FGGY: variants seen among roughly 807,000 people sequenced by gnomAD.
The protein encoded by FGGY is FGGY carbohydrate kinase domain containing.
In FGGY, 72 loss-of-function variants were observed where a neutral mutation model predicts 71.3. The ratio of observed to expected loss-of-function variants is 1.01; its 90% confidence interval spans 0.84 to 1.23. FGGY has a LOEUF of 1.23. Among genes scored for constraint, FGGY ranks in the 50% most tolerant of loss-of-function variants. FGGY has a pLI of 0.00. For synonymous variants in FGGY, 251 were observed against 250.3 expected, an observed-to-expected ratio of 1.00 and a Z score of -0.02; for missense variants, 668 against 682.3, an observed-to-expected ratio of 0.98 and a Z score of 0.23.
intron 7 of FGGY, among the ~76,000 whole-genome samples, chr1:59,553,439 C>T (rs1021790277): frequency 3.7e-4 from 56 of 152,308 alleles, no homozygotes; most frequent in African/African-American, 1.1e-3. Flanking sequence ...TCAAGGAATA[C>T]GAGCTCTATG....
At chr1:59,465,463 C>G (rs529968351) in intron 6 of FGGY, among the ~76,000 whole-genome samples, 1 of 152,326 alleles carries the variant, frequency 6.6e-6, no homozygotes, top group Admixed American at 6.5e-5. Context: ...GGGATGCCCT[C>G]TCTCACCACT....
In FGGY at chr1:59,554,148, G is replaced by A. The variant is rs1310972388; in HGVS notation, c.824G>A (p.Gly275Glu). Residue 275 changes from glycine to glutamate, a missense_variant, in exon 8 of 16, where the codon GGG becomes GAG. Transcript: ENST00000303721. ...GLGVIGADVR[G>E]HGLICEGQPV... ...GGAGTGATTGGGGCAGATGTGAGAG[G>A]GCACGGCCTCATCTGTGAGGGGCAG... is the stretch of plus-strand genomic sequence containing the variant. 1 of 1,612,752 alleles carries A rather than the reference G, an allele frequency of 6.2e-7. No individual in the cohort carries two copies. The highest frequency in any genetic ancestry group is 8.5e-7 in the Non-Finnish European group (1 of 1,178,996).
intron 14 of FGGY, among the ~76,000 whole-genome samples, chr1:59,686,280 G>C (rs2097543490): frequency 6.6e-6 from 1 of 152,166 alleles, no homozygotes; most frequent in South Asian, 2.1e-4. Flanking sequence ...TGACCTAGGA[G>C]TGTCTCATAG....
At chr1:59,604,280 C>A (rs1198682090) in intron 8 of FGGY, among the ~76,000 whole-genome samples, 2 of 152,208 alleles carry the variant, frequency 1.3e-5, no homozygotes, top group Admixed American at 1.3e-4. Flanking sequence ...AAAGATTAAA[C>A]AACACATAAG....
intron 9 of FGGY, among the ~76,000 whole-genome samples, chr1:59,609,137 G>GA (rs1247309981): frequency 2.0e-5 from 3 of 152,272 alleles, no homozygotes; most frequent in Non-Finnish European, 1.5e-5. Flanking sequence ...ACTTGTATGG[G>GA]AAAAAAGACA....
chr1:59,737,456 G>A (rs539306924), intron 14 of FGGY, among the ~76,000 whole-genome samples: 7 of 152,354 alleles, frequency 4.6e-5, no homozygotes, highest in South Asian at 4.1e-4. Flanking sequence ...GATCCAAAGC[G>A]GCAGAGCTGC....
At chr1:59,383,113 A>G (rs2059672801) in intron 5 of FGGY, among the ~76,000 whole-genome samples, 2 of 152,102 alleles carry the variant, frequency 1.3e-5, no homozygotes, top group African/African-American at 4.8e-5. Context: ...TGTTATACCT[A>G]TTTTGCAAAG....
intron 15 of FGGY, among the ~76,000 whole-genome samples, chr1:59,759,013 C>CT (rs748135318): frequency 8.5e-5 from 13 of 152,092 alleles, no homozygotes; most frequent in Non-Finnish European, 1.5e-5. Flanking sequence ...AGATAAAAGG[C>CT]TTTTTCAAGA....
chr1:59,596,398 G>A (rs1227766074), intron 8 of FGGY, among the ~76,000 whole-genome samples: 1 of 150,906 alleles, frequency 6.6e-6, no homozygotes, highest in Non-Finnish European at 1.5e-5. Flanking sequence ...ACCTAATGTG[G>A]AAGAAGGTGC....
chr1:59,362,909 C>T (rs573810415), intron 4 of FGGY, among the ~76,000 whole-genome samples: 1 of 152,256 alleles, frequency 6.6e-6, no homozygotes, highest in South Asian at 2.1e-4. Flanking sequence ...TAGTTGGCCA[C>T]AAACCAGGAC....
intron 8 of FGGY, among the ~76,000 whole-genome samples, chr1:59,568,454 G>T (rs1398623646): frequency 7.0e-6 from 1 of 142,284 alleles, no homozygotes; most frequent in Non-Finnish European, 1.5e-5. Context: ...AAATTCTATG[G>T]TCGGGGGGGC....
chr1:59,546,521 A>G (rs1476755437), intron 7 of FGGY, among the ~76,000 whole-genome samples: 1 of 84,210 alleles, frequency 1.2e-5, no homozygotes. Context: ...GATGATGATG[A>G]TGATGATGAT....
intron 1 of FGGY, among the ~76,000 whole-genome samples, chr1:59,310,437 G>A (rs563989230): frequency 8.6e-4 from 131 of 152,176 alleles, no homozygotes; most frequent in Non-Finnish European, 1.2e-3. Flanking sequence ...GTCTATGTAA[G>A]AACAAATCAT....
chr1:59,570,354 G>A (rs759655377), intron 8 of FGGY, among the ~76,000 whole-genome samples: 6 of 152,170 alleles, frequency 3.9e-5, no homozygotes, highest in Admixed American at 2.0e-4. Context: ...ATATAAGAGT[G>A]AAGTAAATAA....
chr1:59,551,592 T>G lies in FGGY; in HGVS notation c.800-2532T>G, dbSNP rs772065247. On this transcript the variant is annotated intron_variant, in intron 7 of 15. Transcript: ENST00000303721. ...TACAGATAAGTGAACATTGGTTGCC[T>G]GGCTATTGGATTTTTATCTTAGAGA... Among the ~76,000 whole-genome samples, 4 of 152,138 alleles carry G rather than the reference T, an allele frequency of 2.6e-5. 1 individual carries two copies. Among genetic ancestry groups the G allele is most frequent in the Non-Finnish European group, 5.9e-5 (4 of 68,022 alleles).
At chr1:59,591,451 T>A (rs867516120) in intron 8 of FGGY, among the ~76,000 whole-genome samples, 1 of 152,038 alleles carries the variant, frequency 6.6e-6, no homozygotes, top group Non-Finnish European at 1.5e-5. Flanking sequence ...TTAAACTTCA[T>A]ATGGAACCAA....
chr1:59,407,009 C>T (rs1429203987), intron 5 of FGGY, among the ~76,000 whole-genome samples: 1 of 152,196 alleles, frequency 6.6e-6, no homozygotes, highest in Non-Finnish European at 1.5e-5. Context: ...TTGACCCCTG[C>T]CCCCTGACAA....
chr1:59,674,497 A>G (rs1484390394), intron 14 of FGGY, among the ~76,000 whole-genome samples: 1 of 152,082 alleles, frequency 6.6e-6, no homozygotes, highest in Admixed American at 6.6e-5. Flanking sequence ...GCTTATGTCA[A>G]CCTCACCATT....
intron 7 of FGGY, among the ~76,000 whole-genome samples, chr1:59,546,243 T>G (rs1394696311): frequency 6.6e-6 from 1 of 152,166 alleles, no homozygotes; most frequent in African/African-American, 2.4e-5. Context: ...ATCAGGAGAC[T>G]GAGACATAGG....
Sources: allele counts gnomAD v4.1 joint callset (sites outside exome capture counted in the v4.1 genomes callset), GRCh38; gene constraint gnomAD v4.1.1; transcripts MANE v1.5; gene names NCBI Gene and HGNC (gene_info 2026-07-23, HGNC 2026-07-21).